The following IL1RL2 variants were observed in gnomAD, a reference collection of about 807,000 sequenced individuals.
IL1RL2 encodes interleukin 1 receptor like 2.
In IL1RL2, 68 loss-of-function variants were observed where a neutral mutation model predicts 66.8. That is an observed-to-expected ratio of 1.02 (90% CI 0.84 to 1.25). The LOEUF (loss-of-function observed/expected upper bound fraction) is 1.25, where lower values mean the gene tolerates loss of function less well. Ranked by LOEUF, IL1RL2 falls within the 50% of genes most tolerant of loss-of-function variation. The pLI is 0.00. For synonymous variants in IL1RL2, 305 were observed against 264.6 expected, an observed-to-expected ratio of 1.15 and a Z score of -1.48; for missense variants, 729 against 709.3, an observed-to-expected ratio of 1.03 and a Z score of -0.32.
chr2:102,201,641 A>G lies in IL1RL2; in HGVS notation c.575A>G (p.Asn192Ser), dbSNP rs1688266339. The change falls in exon 5 of 12, where the codon AAC becomes AGC. Residue 192 changes from asparagine to serine, a missense_variant. Coordinates refer to ENST00000264257, the MANE Select transcript of IL1RL2 (RefSeq NM_003854.4). ...VSNVSAEDRGNYACQAILTHS... is the reference protein window; with the variant it reads ...VSNVSAEDRGSYACQAILTHS... ...AATGTCTCGGCAGAGGACAGAGGGA[A>G]CTACGCGTGTCAAGCCATACTGACA... The G allele has an allele frequency of 6.2e-7, 1 of 1,614,120 alleles. No individual in the cohort carries two copies. Among genetic ancestry groups the G allele is most frequent in the Admixed American group, 1.7e-5 (1 of 60,008 alleles).
At chr2:102,241,496 C>T (rs188908416), downstream of IL1RL2, among the ~76,000 whole-genome samples, 20 of 152,290 alleles carry the variant, frequency 1.3e-4, no homozygotes, top group African/African-American at 4.8e-4. Context: ...ATCCTTATTG[C>T]CCACTACAAA....
chr2:102,218,007 A>C (rs911619558), intron 6 of IL1RL2, among the ~76,000 whole-genome samples: 6 of 152,220 alleles, frequency 3.9e-5, no homozygotes, highest in African/African-American at 1.4e-4. Context: ...ACAGAATGGG[A>C]GAAAATATTT....
chr2:102,209,878 T>C (rs974348871), intron 5 of IL1RL2, among the ~76,000 whole-genome samples: 1 of 152,110 alleles, frequency 6.6e-6, no homozygotes, highest in African/African-American at 2.4e-5. Context: ...TTAAGAACTC[T>C]TTGCTGAGTA....
chr2:102,190,305 G>C (rs1687123643), intron 3 of IL1RL2, among the ~76,000 whole-genome samples: 1 of 152,174 alleles, frequency 6.6e-6, no homozygotes. Context: ...AACAAATTTA[G>C]CCTGAGGGCC....
At chr2:102,218,853 T>C (rs1257366624) in intron 6 of IL1RL2, 100 bp from the exon 7 acceptor site, 1 of 1,010,942 alleles carries the variant, frequency 9.9e-7, no homozygotes, top group Non-Finnish European at 1.5e-6. Flanking sequence ...TCAAAAGGTA[T>C]TCGAGGCTCG....
At chr2:102,208,947 C>T (rs1489859874) in intron 5 of IL1RL2, among the ~76,000 whole-genome samples, 1 of 152,216 alleles carries the variant, frequency 6.6e-6, no homozygotes, top group Non-Finnish European at 1.5e-5. Context: ...CCTGCCTCAT[C>T]TTGTTCACAG....
intron 9 of IL1RL2, 57 bp from the exon 10 acceptor site, chr2:102,232,906 T>C: frequency 6.4e-7 from 1 of 1,571,742 alleles, no homozygotes; most frequent in South Asian, 1.1e-5. Flanking sequence ...TTCCGGTTTA[T>C]TAACATGAGA....
chr2:102,222,361 T>A (rs111591595), intron 8 of IL1RL2, among the ~76,000 whole-genome samples: 102 of 152,330 alleles, frequency 6.7e-4, no homozygotes, highest in African/African-American at 2.3e-3. Context: ...TGTGTCTGTG[T>A]ACCCATGTAG....
chr2:102,195,713 C>CTTTTT (rs375355881), intron 4 of IL1RL2, among the ~76,000 whole-genome samples: 4 of 99,958 alleles, frequency 4.0e-5, no homozygotes, highest in Admixed American at 9.8e-5. Flanking sequence ...TTCTTTCTTT[C>CTTTTT]TTTTTTTTTT....
At chr2:102,238,833 C>T (rs370985858) in intron 11 of IL1RL2, among the ~76,000 whole-genome samples, 15 of 152,108 alleles carry the variant, frequency 9.9e-5, no homozygotes, top group African/African-American at 3.6e-4. Context: ...TCCCATACAC[C>T]CAGGAACTTC....
chr2:102,242,331 TAGTC>T (rs1401531129), downstream of IL1RL2, among the ~76,000 whole-genome samples: 21 of 152,212 alleles, frequency 1.4e-4, no homozygotes, highest in African/African-American at 2.2e-4. Context: ...TGAATTGCGT[TAGTC>T]AGGGTTTTCT....
downstream of IL1RL2, among the ~76,000 whole-genome samples, chr2:102,240,708 T>C (rs914634783): frequency 6.6e-6 from 1 of 152,242 alleles, no homozygotes; most frequent in Non-Finnish European, 1.5e-5. Flanking sequence ...ATACTTTGGC[T>C]ACTTTGCTTT....
In IL1RL2 at chr2:102,239,499, G is replaced by C. The variant is rs1675146703; in HGVS notation, c.*258G>C. The C allele has an allele frequency of 2.4e-6, 1 of 416,080 alleles. No homozygotes were observed. Among genetic ancestry groups the C allele is most frequent in the East Asian group, 4.2e-5 (1 of 23,740 alleles). 25.8% of individuals were successfully genotyped at this position (416,080 alleles called of 1,614,324 possible). On this transcript the variant is annotated 3_prime_UTR_variant, in exon 12 of 12. Coordinates refer to ENST00000264257, the MANE Select transcript of IL1RL2 (RefSeq NM_003854.4). Reference sequence around the variant, plus strand: ...ATCCCCATGGTCATGGAGGGTGAGGGCTGGTCGGGGGAGGCATCCCCAAGT... The same window carrying C: ...ATCCCCATGGTCATGGAGGGTGAGGCCTGGTCGGGGGAGGCATCCCCAAGT...
chr2:102,195,461 T>G (rs1325648678), intron 4 of IL1RL2, among the ~76,000 whole-genome samples: 1 of 152,166 alleles, frequency 6.6e-6, no homozygotes, highest in African/African-American at 2.4e-5. Flanking sequence ...ACCTGTTCTT[T>G]TCACGTTGCT....
chr2:102,225,886 T>G lies in IL1RL2; in HGVS notation c.992-12T>G. The G allele has an allele frequency of 6.5e-7, 1 of 1,530,476 alleles. No individual in the cohort carries two copies. The highest frequency in any genetic ancestry group is 8.8e-7 in the Non-Finnish European group (1 of 1,140,722). 94.8% of individuals were successfully genotyped at this position (1,530,476 alleles called of 1,614,324 possible). A position where few individuals can be genotyped will look rare whatever the true frequency, so the allele number is the denominator to read the frequency against. On this transcript the variant is annotated splice_polypyrimidine_tract_variant and intron_variant, in intron 8 of 11. Coordinates refer to ENST00000264257, the MANE Select transcript of IL1RL2 (RefSeq NM_003854.4). ...ATTATAATTATTATTATTTTTTTGC[T>G]GTCATTTGTAGCTCCGGATTTTCGA...
chr2:102,187,810 G>C (rs761363109), intron 1 of IL1RL2, 46 bp from the exon 2 acceptor site: 8 of 1,483,132 alleles, frequency 5.4e-6, no homozygotes, highest in Middle Eastern at 1.7e-4. Flanking sequence ...CCTCGGGCCC[G>C]CCCTACTGCG....
chr2:102,241,504 A>G (rs1381056896), downstream of IL1RL2, among the ~76,000 whole-genome samples: 1 of 152,216 alleles, frequency 6.6e-6, no homozygotes, highest in Non-Finnish European at 1.5e-5. Context: ...TGCCCACTAC[A>G]AAAAGGGCCA....
chr2:102,242,427 A>G (rs1294041293), downstream of IL1RL2, among the ~76,000 whole-genome samples: 2 of 152,192 alleles, frequency 1.3e-5, no homozygotes, highest in Non-Finnish European at 2.9e-5. Context: ...GAGAAGGCCC[A>G]CAATCCACTC....
At chr2:102,190,573 C>G (rs1352824669) in intron 3 of IL1RL2, among the ~76,000 whole-genome samples, 1 of 152,218 alleles carries the variant, frequency 6.6e-6, no homozygotes, top group Non-Finnish European at 1.5e-5. Flanking sequence ...CATTTCTAAA[C>G]ACCAGACAGA....
Sources: allele counts gnomAD v4.1 joint callset (sites outside exome capture counted in the v4.1 genomes callset), GRCh38; gene constraint gnomAD v4.1.1; transcripts MANE v1.5; gene names NCBI Gene and HGNC (gene_info 2026-07-23, HGNC 2026-07-21).